PDXDC1: variants seen among roughly 807,000 people sequenced by gnomAD.
PDXDC1 encodes pyridoxal dependent decarboxylase domain containing 1.
In PDXDC1, 42 loss-of-function variants were observed where a neutral mutation model predicts 100.1. The ratio of observed to expected loss-of-function variants is 0.42; its 90% CI spans 0.33 to 0.54. PDXDC1 has a LOEUF of 0.54. Among genes scored for constraint, PDXDC1 ranks in the 20% least tolerant of loss-of-function variants. The probability of loss-of-function intolerance (pLI) is 0.10; values close to 1 mark genes in which losing one functional copy is unlikely to be tolerated. For synonymous variants in PDXDC1, 260 were observed against 371.7 expected, an observed-to-expected ratio of 0.70 and a Z score of 3.46; for missense variants, 636 against 979.2, an observed-to-expected ratio of 0.65 and a Z score of 4.68.
chr16:14,981,433 T>A (rs1193252200), intron 1 of PDXDC1, among the ~76,000 whole-genome samples: 1 of 152,304 alleles, frequency 6.6e-6, no homozygotes, highest in Non-Finnish European at 1.5e-5. Context: ...AGTTAAACAC[T>A]GCCTATAAAG....
chr16:15,061,054 G>C (rs1049950300), intron 16 of PDXDC1: 1 of 152,186 alleles, frequency 6.6e-6, no homozygotes, highest in Non-Finnish European at 1.5e-5. Context: ...GCTGTGCCAA[G>C]TATATTACAC....
chr16:15,125,900 C>T (rs2047690380), intron 16 of PDXDC1: 29 of 693,736 alleles, frequency 4.2e-5, no homozygotes, highest in South Asian at 2.1e-4. Context: ...GGACAGAGCC[C>T]GGTGCCATCT....
At chr16:15,133,043 G>A (rs1465469508) in intron 16 of PDXDC1, 5 of 809,082 alleles carry the variant, frequency 6.2e-6, no homozygotes, top group South Asian at 3.5e-5. Flanking sequence ...GTAAGCACAT[G>A]GGCCCTCCTG....
chr16:15,083,350 G>A (rs1423028438), intron 16 of PDXDC1, among the ~76,000 whole-genome samples: 1 of 152,124 alleles, frequency 6.6e-6, no homozygotes, highest in African/African-American at 2.4e-5. Flanking sequence ...AGTGAGCCAA[G>A]ATGACGCCAT....
chr16:15,126,174 A>G (rs1410698641), intron 16 of PDXDC1, among the ~76,000 whole-genome samples: 9 of 151,478 alleles, frequency 5.9e-5, no homozygotes, highest in South Asian at 2.1e-4. Context: ...AGCTGGGATT[A>G]CAGGTGCCTG....
chr16:15,075,823 G>A (rs2045429682), intron 16 of PDXDC1, among the ~76,000 whole-genome samples: 2 of 152,086 alleles, frequency 1.3e-5, no homozygotes, highest in African/African-American at 2.4e-5. Flanking sequence ...TTTGCAGGTC[G>A]GGATATCCAC....
chr16:15,101,019 T>C (rs2046526332), intron 16 of PDXDC1, among the ~76,000 whole-genome samples: 1 of 152,220 alleles, frequency 6.6e-6, no homozygotes, highest in African/African-American at 2.4e-5. Context: ...ATCCTAGCTT[T>C]GTAATTTACT....
chr16:15,088,310 C>T (rs1251331599), intron 16 of PDXDC1, among the ~76,000 whole-genome samples: 1 of 151,946 alleles, frequency 6.6e-6, no homozygotes, highest in African/African-American at 2.4e-5. Flanking sequence ...ACCTCATCTC[C>T]AGAAAAATTA....
At chr16:14,980,325 T>G (rs1169817555) in intron 1 of PDXDC1, among the ~76,000 whole-genome samples, 1 of 152,288 alleles carries the variant, frequency 6.6e-6, no homozygotes, top group Non-Finnish European at 1.5e-5. Context: ...AGACGGAATC[T>G]TGCTCTGTCA....
At chr16:15,123,362 G>A in intron 16 of PDXDC1, 4 of 1,112,688 alleles carry the variant, frequency 3.6e-6, no homozygotes, top group Non-Finnish European at 5.3e-6. Flanking sequence ...GAGCTCCCAG[G>A]GTTCCTCAAG....
intron 16 of PDXDC1, chr16:15,086,093 A>T (rs376849531): frequency 1.9e-5 from 30 of 1,586,340 alleles, no homozygotes; most frequent in Non-Finnish European, 2.4e-5. Context: ...ATAAAGAAGT[A>T]TTAAAAAGAA....
intron 16 of PDXDC1, among the ~76,000 whole-genome samples, chr16:15,084,190 A>T (rs2045822017): frequency 6.6e-6 from 1 of 152,228 alleles, no homozygotes; most frequent in Non-Finnish European, 1.5e-5. Context: ...TTTTTAAAAG[A>T]AGAAAAAATC....
intron 16 of PDXDC1, among the ~76,000 whole-genome samples, chr16:15,098,453 G>A (rs1436826916): frequency 6.6e-6 from 1 of 151,852 alleles, no homozygotes; most frequent in Non-Finnish European, 1.5e-5. Context: ...TGCCTACCTT[G>A]ACCTCCTAAA....
intron 16 of PDXDC1, chr16:15,133,360 G>T (rs1413997260): frequency 2.8e-6 from 3 of 1,078,688 alleles, no homozygotes; most frequent in Non-Finnish European, 4.2e-6. Context: ...CGGTGAGCCC[G>T]TGCAGCCAGA....
rs1477413537 is a variant in PDXDC1, at chr16:15,131,405, C to T, written c.1400-7474C>T. The stretch of plus-strand genomic sequence containing the variant: ...TCCACCAGAAAGATGAGCTGCACCA[C>T]GTCACTGAGGTTAGCCGGGGCCCTG... On this transcript the variant is annotated intron_variant, in intron 16 of 16. Transcript: ENST00000535621. 134 of 1,605,284 alleles carry T rather than the reference C, an allele frequency of 8.3e-5. 1 individual carries two copies. Among genetic ancestry groups the T allele is most frequent in the Non-Finnish European group, 9.4e-5 (111 of 1,176,614 alleles).
At chr16:15,023,490 G>A (rs1388778129) in intron 13 of PDXDC1, among the ~76,000 whole-genome samples, 2 of 152,278 alleles carry the variant, frequency 1.3e-5, no homozygotes, top group East Asian at 3.8e-4. Flanking sequence ...TTAGAACATG[G>A]TTTGGTTTAA....
chr16:15,124,527 C>T (rs1172876947), intron 16 of PDXDC1, among the ~76,000 whole-genome samples: 1 of 151,664 alleles, frequency 6.6e-6, no homozygotes, highest in Admixed American at 6.6e-5. Context: ...GTAATCCCAG[C>T]ACTTTGGGAG....
Position 15,123,395 on chromosome 16 carries a change from A to T in PDXDC1, c.1400-15484A>T, listed in dbSNP as rs1341084677. On this transcript the variant is annotated intron_variant, in intron 16 of 16. Transcript: ENST00000535621. ...AAGGTCACTTTTGGTGACAAAACAT[A>T]AAAAACAAATGATGGCAGGATGGCA... 5.8e-5 allele frequency: 63 copies of T among 1,091,490 alleles called. 1 individual carries two copies. In the East Asian group the frequency reaches 1.6e-3, roughly 28 times the overall value. 67.6% of individuals were successfully genotyped at this position (1,091,490 alleles called of 1,614,324 possible).
Position 15,038,046 on chromosome 16 carries a change from A to G in PDXDC1, c.*1771A>G, listed in dbSNP as rs62039479. 2.5e-4 allele frequency: 406 copies of G among 1,611,860 alleles called. No individual in the cohort carries two copies. Among genetic ancestry groups the G allele is most frequent in the Non-Finnish European group, 3.2e-4 (376 of 1,179,200 alleles). On this transcript the variant is annotated 3_prime_UTR_variant, in exon 23 of 23. Coordinates refer to ENST00000396410, the MANE Select transcript of PDXDC1 (RefSeq NM_015027.4). ...TTCATGTTTTTTAACTTCCTGGAGA[A>G]GAGATCTTTTCCCACAAGCCATCTT...
Sources: allele counts gnomAD v4.1 joint callset (sites outside exome capture counted in the v4.1 genomes callset), GRCh38; gene constraint gnomAD v4.1.1; transcripts MANE v1.5; gene names NCBI Gene and HGNC (gene_info 2026-07-23, HGNC 2026-07-21).